CDH23: variants seen among roughly 807,000 people sequenced by gnomAD.
The protein encoded by CDH23 is cadherin related 23, also known as cadherin-23.
In CDH23, 189 loss-of-function variants were observed where a neutral mutation model predicts 317.1. That is an observed-to-expected ratio of 0.60 (90% CI 0.53 to 0.67). The LOEUF (loss-of-function observed/expected upper bound fraction) is 0.67, where lower values mean the gene tolerates loss of function less well. Ranked by LOEUF, CDH23 falls within the 30% of genes least tolerant of loss-of-function variation. CDH23 has a pLI of 0.00. For missense variants in CDH23, 4,401 were observed against 4,592.4 expected (o/e 0.96, Z 1.20); for synonymous variants, 1,839 against 1,876.8 (o/e 0.98, Z 0.52).
chr10:71,795,232 T>C (rs1841366976), intron 48 of CDH23, among the ~76,000 whole-genome samples: 1 of 151,914 alleles, frequency 6.6e-6, no homozygotes, highest in Admixed American at 6.6e-5. Context: ...GACGCACACA[T>C]AAAACAAGAG....
intron 3 of CDH23, among the ~76,000 whole-genome samples, chr10:71,455,839 C>CT (rs1850668915): frequency 6.6e-6 from 1 of 152,200 alleles, no homozygotes; most frequent in African/African-American, 2.4e-5. Flanking sequence ...TTTGTGACCA[C>CT]TTTGTTAGAC....
rs529941038 is a variant in CDH23 at position 71,693,149 on chromosome 10, G to A, written c.2177-998G>A. On this transcript the variant is annotated intron_variant, in intron 20 of 69. Transcript: ENST00000224721. ...TGCTGTGATTGCTGAAGTCTGCTGG[G>A]ACTGGCTCACCCTGCTCCCAAGAGC... Among the ~76,000 whole-genome samples, 443 of 152,362 alleles carry A rather than the reference G, an allele frequency of 2.9e-3. 1 individual carries two copies. Among genetic ancestry groups the A allele is most frequent in the African/African-American group, 0.01 (422 of 41,584 alleles).
intron 19 of CDH23, among the ~76,000 whole-genome samples, chr10:71,690,086 A>T (rs1421001852): frequency 6.6e-6 from 1 of 152,206 alleles, no homozygotes; most frequent in African/African-American, 2.4e-5. Context: ...AATACAGTAA[A>T]TGTAGAATAA....
At chr10:71,785,937 C>T (rs1053638633) in intron 44 of CDH23, among the ~76,000 whole-genome samples, 199 bp downstream of exon 44, 2 of 152,166 alleles carry the variant, frequency 1.3e-5, no homozygotes, top group African/African-American at 4.8e-5. Flanking sequence ...GCCTCCATTT[C>T]TCTTCTGCAA....
rs1288826026 is a variant in CDH23, at chr10:71,724,192, G to A, written c.3430+87G>A. Reference sequence around the variant, plus strand: ...CTAGGCTGCCAAAGGTCTGGGAGATGAGGCCAAGAGAACCCCCAGGGCCAT... The same window carrying A: ...CTAGGCTGCCAAAGGTCTGGGAGATAAGGCCAAGAGAACCCCCAGGGCCAT... On this transcript the variant is annotated intron_variant, in intron 29 of 69. Coordinates refer to ENST00000224721, the MANE Select transcript of CDH23 (RefSeq NM_022124.6). 7 of 1,406,084 alleles carry A rather than the reference G, an allele frequency of 5.0e-6. No homozygotes were observed. The Middle Eastern group carries it at 5.3e-4, about 106-fold the overall frequency. The allele number at this position is 1,406,084 out of a possible 1,614,324, so 87.1% of individuals were successfully genotyped here.
At chr10:71,660,740 A>C (rs1327329042) in intron 14 of CDH23, among the ~76,000 whole-genome samples, 1 of 152,208 alleles carries the variant, frequency 6.6e-6, no homozygotes, top group African/African-American at 2.4e-5. Flanking sequence ...AAGTTAGGGA[A>C]GGCATGGCTG....
chr10:71,570,407 G>A (rs1047155101), intron 7 of CDH23, among the ~76,000 whole-genome samples: 1 of 152,196 alleles, frequency 6.6e-6, no homozygotes, highest in Non-Finnish European at 1.5e-5. Context: ...AAGGAGCTGA[G>A]GGCAGCACCA....
chr10:71,459,085 C>CTTTTTTT lies in CDH23; in HGVS notation c.145+12702_145+12708dup, dbSNP rs372627407. Among the ~76,000 whole-genome samples the CTTTTTTT allele has an allele frequency of 8.2e-3, 844 of 102,486 alleles. 39 individuals carry two copies. The highest frequency in any genetic ancestry group is 0.036 in the East Asian group (103 of 2,864). 67.2% of individuals were successfully genotyped at this position (102,486 alleles called of 152,430 possible). Reference sequence around the variant, plus strand: ...ACAGGTGTGAGCCACCACACCTGGCCTTTTTTTTTTTTTTTTTTGTGAGAT... The same window carrying CTTTTTTT: ...ACAGGTGTGAGCCACCACACCTGGCCTTTTTTTTTTTTTTTTTTTTTTTTTGTGAGAT... On this transcript the variant is annotated intron_variant, in intron 3 of 69. Coordinates refer to ENST00000224721, the MANE Select transcript of CDH23 (RefSeq NM_022124.6).
At chr10:71,755,045 T>A (rs1441509773) in intron 38 of CDH23, 1 of 522,750 alleles carries the variant, frequency 1.9e-6, no homozygotes, top group Non-Finnish European at 3.7e-6. Flanking sequence ...GATCTCTGAG[T>A]GGCAGCAACT....
rs374805957 is a variant in CDH23 at position 71,682,549 on chromosome 10, G to A, written c.1963G>A (p.Val655Ile). The change falls in exon 18 of 70, where the codon GTC (valine) becomes ATC (isoleucine). Residue 655 changes from valine to isoleucine, a missense_variant. By Grantham distance (29) the Val-to-Ile change is conservative. Around this residue, in one of 3 missense-constraint regions of CDH23, gnomAD observed 3,068 missense variants for 3,203.3 expected, o/e 0.96. Coordinates refer to ENST00000224721, the MANE Select transcript of CDH23 (RefSeq NM_022124.6). ...TGGCAACCCCCCTCTCAACAGCACC[G>A]TCCCTGTCACCATCGAGGTGTTTGT... ...DAGNPPLNST[V>I]PVTIEVFDEN... 200 of 1,613,406 alleles carry A rather than the reference G, an allele frequency of 1.2e-4. No homozygotes were observed. The highest frequency in any genetic ancestry group is 3.2e-4 in the Admixed American group (19 of 59,946).
chr10:71,564,507 C>T (rs1312004903), intron 6 of CDH23, among the ~76,000 whole-genome samples: 2 of 152,260 alleles, frequency 1.3e-5, no homozygotes, highest in Non-Finnish European at 2.9e-5. Context: ...GAGACCATCA[C>T]TTCTTTTTCC....
At chr10:71,592,399 G>A (rs1859553484) in intron 9 of CDH23, among the ~76,000 whole-genome samples, 1 of 152,172 alleles carries the variant, frequency 6.6e-6, no homozygotes, top group South Asian at 2.1e-4. Flanking sequence ...TACAGTTCTA[G>A]AGGTCAGAAG....
At chr10:71,521,212 C>G (rs1854657943) in intron 6 of CDH23, among the ~76,000 whole-genome samples, 1 of 151,990 alleles carries the variant, frequency 6.6e-6, no homozygotes, top group South Asian at 2.1e-4. Context: ...GATCAGCCAG[C>G]CCACCTCCCA....
intron 3 of CDH23, among the ~76,000 whole-genome samples, chr10:71,479,773 G>T (rs1463456548): frequency 6.6e-6 from 1 of 152,086 alleles, no homozygotes; most frequent in African/African-American, 2.4e-5. Flanking sequence ...AAGGGAAGGG[G>T]AGGATGCCAG....
chr10:71,699,157 A>G (rs797016998), intron 22 of CDH23, among the ~76,000 whole-genome samples: 18 of 152,246 alleles, frequency 1.2e-4, no homozygotes, highest in African/African-American at 4.3e-4. Flanking sequence ...ACTGCCTAGC[A>G]CAGTTCCAGG....
intron 60 of CDH23, among the ~76,000 whole-genome samples, chr10:71,809,377 T>A (rs1841843525): frequency 6.6e-6 from 1 of 151,932 alleles, no homozygotes; most frequent in Admixed American, 6.6e-5. Context: ...TGGGGTTTCA[T>A]CATGTTGGCC....
intron 3 of CDH23, among the ~76,000 whole-genome samples, chr10:71,454,158 G>A (rs770079503): frequency 2.0e-5 from 3 of 152,178 alleles, no homozygotes; most frequent in Non-Finnish European, 4.4e-5. Context: ...GAGAAAGTGA[G>A]GCCCAGACTG....
intron 1 of CDH23, among the ~76,000 whole-genome samples, chr10:71,400,935 G>C (rs988232160): frequency 6.6e-6 from 1 of 152,142 alleles, no homozygotes. Flanking sequence ...TGAACTCATT[G>C]TTTTCAAATT....
At chr10:71,732,543 G>A (rs41281320) in intron 32 of CDH23, 168 bp downstream of exon 32, 19,719 of 1,317,962 alleles carry the variant, frequency 0.015, 184 homozygotes, top group Middle Eastern at 0.019. Context: ...GGGGCAGGAA[G>A]ATTGCTTCAG....
Sources: allele counts gnomAD v4.1 joint callset (sites outside exome capture counted in the v4.1 genomes callset), GRCh38; gene constraint gnomAD v4.1.1; regional missense constraint gnomAD v4.1.1; transcripts MANE v1.5; gene names NCBI Gene and HGNC (gene_info 2026-07-23, HGNC 2026-07-21).